LRP1B: variants seen among roughly 807,000 people sequenced by gnomAD.
LRP1B encodes the protein LDL receptor related protein 1B.
Under a neutral mutation model 556.6 loss-of-function variants are expected in LRP1B, and 217 were observed. The ratio of observed to expected loss-of-function variants is 0.39; its 90% confidence interval spans 0.35 to 0.44. The LOEUF is 0.44. LRP1B is among the 20% of genes least tolerant of loss of function. The pLI is 1.00. For missense variants in LRP1B, 5,053 were observed against 5,620.8 expected (o/e 0.90, Z 3.23); for synonymous variants, 2,047 against 1,865.8 (o/e 1.10, Z -2.50).
At chr2:140,998,872 T>G (rs1697330202) in intron 15 of LRP1B, among the ~76,000 whole-genome samples, 1 of 152,096 alleles carries the variant, frequency 6.6e-6, no homozygotes, top group South Asian at 2.1e-4. Flanking sequence ...TTGTTTTGCT[T>G]GTTTGACTCA....
At chr2:140,282,424 TCAAATC>T (rs1339143929) in intron 84 of LRP1B, among the ~76,000 whole-genome samples, 2 of 151,798 alleles carry the variant, frequency 1.3e-5, no homozygotes, top group Non-Finnish European at 2.9e-5. Context: ...GAACAGAACT[TCAAATC>T]CAAATAGGCC....
chr2:140,910,096 C>CAAAAAAAAA (rs143067007), intron 21 of LRP1B, among the ~76,000 whole-genome samples: 19 of 146,090 alleles, frequency 1.3e-4, no homozygotes, highest in Admixed American at 2.0e-4. Context: ...AGAATCTTAC[C>CAAAAAAAAA]AAAACAAAAA....
chr2:141,439,996 C>T (rs1680900589), intron 3 of LRP1B, among the ~76,000 whole-genome samples: 1 of 152,268 alleles, frequency 6.6e-6, no homozygotes, highest in East Asian at 1.9e-4. Flanking sequence ...TTTCTCCACA[C>T]GAAACTCATG....
At chr2:141,300,135 T>A (rs1686333863) in intron 3 of LRP1B, among the ~76,000 whole-genome samples, 2 of 152,158 alleles carry the variant, frequency 1.3e-5, no homozygotes, top group Non-Finnish European at 1.5e-5. Context: ...AATAATCCAA[T>A]TATGCTAGCA....
chr2:142,003,049 A>T (rs975193104), intron 1 of LRP1B, among the ~76,000 whole-genome samples: 1 of 152,194 alleles, frequency 6.6e-6, no homozygotes, highest in South Asian at 2.1e-4. Context: ...ATGATTAGAG[A>T]GCATATCAAA....
intron 41 of LRP1B, among the ~76,000 whole-genome samples, chr2:140,696,809 G>A (rs1441833175): frequency 6.6e-6 from 1 of 152,074 alleles, no homozygotes; most frequent in East Asian, 1.9e-4. Context: ...ACCATCCCCT[G>A]CCTTCGTCCA....
rs547283772 is a variant in LRP1B, at chr2:141,292,429, G to A, written c.344-37788C>T. ...AGAAAATCATTGCCCCCTCCTGGAT[G>A]AGCAATAATAATGGTAGCTGGGGAA... On this transcript the variant is annotated intron_variant, in intron 3 of 90. Transcript: ENST00000389484. 9.2e-5 allele frequency among the ~76,000 whole-genome samples: 14 copies of A among 152,182 alleles called. No individual in the cohort carries two copies. The South Asian group carries it at 1.5e-3, about 16-fold the overall frequency.
intron 35 of LRP1B, among the ~76,000 whole-genome samples, chr2:140,738,945 G>A (rs1344382456): frequency 1.3e-5 from 2 of 152,136 alleles, no homozygotes; most frequent in East Asian, 3.9e-4. Flanking sequence ...AAAAGATAAA[G>A]TAAATAGAAA....
At chr2:141,916,547 T>C (rs1362987216) in intron 1 of LRP1B, among the ~76,000 whole-genome samples, 2 of 147,654 alleles carry the variant, frequency 1.4e-5, no homozygotes, top group Non-Finnish European at 3.0e-5. Context: ...TGAACTTTTT[T>C]TTTTTTTTTT....
At chr2:141,147,496 A>G (rs972945214) in intron 7 of LRP1B, among the ~76,000 whole-genome samples, 5 of 152,214 alleles carry the variant, frequency 3.3e-5, no homozygotes, top group Non-Finnish European at 7.3e-5. Context: ...AAAGTAAAAT[A>G]TGTATTAACA....
At chr2:140,399,338 A>C (rs1163923744) in intron 66 of LRP1B, among the ~76,000 whole-genome samples, 1 of 152,182 alleles carries the variant, frequency 6.6e-6, no homozygotes. Context: ...ATCATCTGGC[A>C]TCATTTTTTC....
chr2:141,633,679 T>C (rs1688993305), intron 2 of LRP1B, among the ~76,000 whole-genome samples: 2 of 152,076 alleles, frequency 1.3e-5, no homozygotes, highest in African/African-American at 2.4e-5. Context: ...ACATTCGCAG[T>C]GTTGTGCAAC....
At chr2:140,317,861 G>T (rs1684594567) in intron 82 of LRP1B, among the ~76,000 whole-genome samples, 1 of 152,058 alleles carries the variant, frequency 6.6e-6, no homozygotes, top group African/African-American at 2.4e-5. Context: ...AAATTTTAAA[G>T]TACAACACTG....
chr2:141,112,858 T>C (rs180742324), intron 7 of LRP1B, among the ~76,000 whole-genome samples: 1 of 152,308 alleles, frequency 6.6e-6, no homozygotes, highest in African/African-American at 2.4e-5. Flanking sequence ...TCCAACAACA[T>C]TAAGCTGCAT....
intron 41 of LRP1B, among the ~76,000 whole-genome samples, chr2:140,688,308 C>G (rs989295265): frequency 6.6e-6 from 1 of 152,060 alleles, no homozygotes; most frequent in Non-Finnish European, 1.5e-5. Flanking sequence ...CTATTGACCC[C>G]TTTATAGTTT....
chr2:140,439,354 TA>T (rs1686327100), intron 66 of LRP1B, among the ~76,000 whole-genome samples: 1 of 152,196 alleles, frequency 6.6e-6, no homozygotes, highest in African/African-American at 2.4e-5. Context: ...TGTACATTTT[TA>T]AAAGCTTGTT....
At chr2:140,718,352 C>T (rs1195956931) in intron 35 of LRP1B, among the ~76,000 whole-genome samples, 2 of 152,012 alleles carry the variant, frequency 1.3e-5, no homozygotes, top group East Asian at 3.9e-4. Context: ...CAGATACTCT[C>T]ATATTTAATC....
At chr2:141,211,307 A>T (rs1252629000) in intron 6 of LRP1B, among the ~76,000 whole-genome samples, 5 of 147,856 alleles carry the variant, frequency 3.4e-5, no homozygotes, top group South Asian at 2.2e-4. Flanking sequence ...TTTTTTTTAA[A>T]AAAAAAAAAC....
At chr2:140,772,797 A>G (rs1328997007) in intron 33 of LRP1B, among the ~76,000 whole-genome samples, 2 of 152,026 alleles carry the variant, frequency 1.3e-5, no homozygotes, top group Admixed American at 6.6e-5. Context: ...GAACATTTGG[A>G]GAGAAAGAGA....
Sources: allele counts gnomAD v4.1 joint callset (sites outside exome capture counted in the v4.1 genomes callset), GRCh38; gene constraint gnomAD v4.1.1; transcripts MANE v1.5; gene names NCBI Gene and HGNC (gene_info 2026-07-23, HGNC 2026-07-21).